The following MTURN variants were observed in gnomAD, a reference collection of about 807,000 sequenced individuals.
MTURN encodes the protein maturin.
MTURN carries 7 observed loss-of-function variants against 14.9 expected under a neutral mutation model. The ratio of observed to expected loss-of-function variants is 0.47; its 90% confidence interval spans 0.27 to 0.88. The LOEUF is 0.88. MTURN is among the 40% of genes least tolerant of loss of function. MTURN has a pLI of 0.14. For synonymous variants in MTURN, 69 were observed against 72.5 expected, an observed-to-expected ratio of 0.95 and a Z score of 0.25; for missense variants, 151 against 174.1, an observed-to-expected ratio of 0.87 and a Z score of 0.75.
chr7:30,141,131 C>G (rs1797044513), intron 1 of MTURN: 1 of 152,258 alleles, frequency 6.6e-6, no homozygotes, highest in African/African-American at 2.4e-5. Flanking sequence ...CTGTGCTCTT[C>G]CCACCATGTG....
chr7:30,150,714 G>A (rs979465300), intron 2 of MTURN, among the ~76,000 whole-genome samples: 17 of 152,194 alleles, frequency 1.1e-4, no homozygotes, highest in African/African-American at 3.6e-4. Flanking sequence ...AAGAATAGCC[G>A]GACCTAGACG....
intron 1 of MTURN, among the ~76,000 whole-genome samples, chr7:30,142,036 T>C (rs985898137): frequency 6.6e-6 from 1 of 152,090 alleles, no homozygotes; most frequent in Non-Finnish European, 1.5e-5. Flanking sequence ...GGATTTAGAA[T>C]AGTAGGGGTG....
At chr7:30,146,071 T>C in intron 1 of MTURN, 106 bp from the exon 2 acceptor site, 1 of 1,598,510 alleles carries the variant, frequency 6.3e-7, no homozygotes, top group South Asian at 1.1e-5. Context: ...GAGGCCTTCT[T>C]CAAATTGATG....
At chr7:30,150,568 T>A (rs1056002650) in intron 2 of MTURN, among the ~76,000 whole-genome samples, 1 of 152,274 alleles carries the variant, frequency 6.6e-6, no homozygotes, top group Non-Finnish European at 1.5e-5. Flanking sequence ...CTAAGTTTTC[T>A]ATGATCACAT....
chr7:30,157,570 G>A lies in MTURN; in HGVS notation c.*22G>A, dbSNP rs753226155. The stretch of plus-strand genomic sequence containing the variant: ...GTAAATCTGGGGGCTCCCCTGAGAA[G>A]GAGAGTGAGCCCCACAGTAACCTAG... On this transcript the variant is annotated 3_prime_UTR_variant, in exon 3 of 3. Transcript: ENST00000324453. The A allele has an allele frequency of 1.3e-6, 2 of 1,568,028 alleles. No individual in the cohort carries two copies. Among genetic ancestry groups the A allele is most frequent in the African/African-American group, 1.4e-5 (1 of 72,718 alleles).
At chr7:30,137,675 T>C (rs1159478889) in intron 1 of MTURN, 1 of 471,224 alleles carries the variant, frequency 2.1e-6, no homozygotes, top group Non-Finnish European at 4.4e-6. Flanking sequence ...GCCGGACCTC[T>C]TGAATCTGTC....
intron 2 of MTURN, among the ~76,000 whole-genome samples, chr7:30,156,314 C>T (rs1470513566): frequency 6.6e-6 from 1 of 151,838 alleles, no homozygotes; most frequent in Non-Finnish European, 1.5e-5. Flanking sequence ...TAAAAAAAAC[C>T]TTAAAATTGG....
At chr7:30,154,907 A>G (rs933035076) in intron 2 of MTURN, among the ~76,000 whole-genome samples, 18 of 152,196 alleles carry the variant, frequency 1.2e-4, no homozygotes, top group Non-Finnish European at 2.2e-4. Context: ...AAGGAACTGC[A>G]GAAGAGAGGT....
rs376938375 is a variant in MTURN at position 30,143,886 on chromosome 7, T to G, written c.163-2291T>G. Among the ~76,000 whole-genome samples, 5 of 152,266 alleles carry G rather than the reference T, an allele frequency of 3.3e-5. No homozygotes were observed. In the East Asian group the frequency reaches 5.8e-4, roughly 18 times the overall value. Reference sequence around the variant, plus strand: ...TGTTATTGTTTGAGTGATATACTTTTCTAAGTTTACTTTGTAATTTAAAGC... The same window carrying G: ...TGTTATTGTTTGAGTGATATACTTTGCTAAGTTTACTTTGTAATTTAAAGC... On this transcript the variant is annotated intron_variant, in intron 1 of 2. Transcript: ENST00000324453.
chr7:30,135,200 A>G lies in MTURN; in HGVS notation c.64A>G (p.Ile22Val), dbSNP rs780642569. 2.0e-6 allele frequency: 3 copies of G among 1,506,672 alleles called. 1 individual carries two copies. In the Middle Eastern group the frequency reaches 5.2e-4, roughly 262 times the overall value. 93.3% of individuals were successfully genotyped at this position (1,506,672 alleles called of 1,614,324 possible). The change falls in exon 1 of 3, where the codon ATC (isoleucine) becomes GTC (valine). Residue 22 changes from isoleucine (I) to valine (V), a missense_variant. Coordinates refer to ENST00000324453, the MANE Select transcript of MTURN (RefSeq NM_152793.3). ...GTGCTCCAACACGCCCTTCGAGCTC[A>G]TCGCCACCGAGGAGACCGAACGCAG... ...KWCSNTPFEL[I>V]ATEETERRMD...
chr7:30,143,962 G>A (rs1248785278), intron 1 of MTURN, among the ~76,000 whole-genome samples: 2 of 152,236 alleles, frequency 1.3e-5, no homozygotes, highest in Non-Finnish European at 2.9e-5. Context: ...TTTCATAGGT[G>A]CACCTGCTTC....
chr7:30,138,712 A>G (rs1232454225), intron 1 of MTURN, among the ~76,000 whole-genome samples: 1 of 152,002 alleles, frequency 6.6e-6, no homozygotes, highest in African/African-American at 2.4e-5. Context: ...AGATCATGTC[A>G]CCACTATCCC....
intron 2 of MTURN, among the ~76,000 whole-genome samples, chr7:30,148,826 T>A (rs1430336956): frequency 6.6e-6 from 1 of 152,162 alleles, no homozygotes; most frequent in Admixed American, 6.5e-5. Context: ...TTTGGACATG[T>A]CAGTGTTTTA....
Position 30,161,702 on chromosome 7 carries a change from C to T in MTURN, c.*4154C>T, listed in dbSNP as rs1562573661. On this transcript the variant is annotated 3_prime_UTR_variant, in exon 3 of 3. Transcript: ENST00000324453. ...TTAATGCTTAAGCGATCACAGACCC[C>T]TCTCCCCTGCAGTGGGTGTTAGCTC... 2 of 152,252 alleles carry T rather than the reference C, an allele frequency of 1.3e-5. No individual in the cohort carries two copies. Among genetic ancestry groups the T allele is most frequent in the East Asian group, 3.8e-4 (2 of 5,200 alleles). 9.4% of individuals were successfully genotyped at this position (152,252 alleles called of 1,614,324 possible).
chr7:30,149,282 C>T (rs994348635), intron 2 of MTURN, among the ~76,000 whole-genome samples: 6 of 152,290 alleles, frequency 3.9e-5, no homozygotes, highest in Admixed American at 6.5e-5. Context: ...TGCTGGGCTT[C>T]CAGGTTTCCT....
At chr7:30,149,747 C>T (rs1583508426) in intron 2 of MTURN, among the ~76,000 whole-genome samples, 1 of 152,326 alleles carries the variant, frequency 6.6e-6, no homozygotes, top group Admixed American at 6.5e-5. Flanking sequence ...TACAGGTTAT[C>T]AAGTGGGTAA....
chr7:30,149,116 T>G (rs1269274381), intron 2 of MTURN, among the ~76,000 whole-genome samples: 1 of 152,228 alleles, frequency 6.6e-6, no homozygotes, highest in Admixed American at 6.5e-5. Context: ...AGGCTCTGGT[T>G]GTATTTTGGC....
intron 1 of MTURN, 98 bp downstream of exon 1, chr7:30,135,396 G>T (rs1321395304): frequency 4.3e-6 from 5 of 1,168,936 alleles, no homozygotes; most frequent in Non-Finnish European, 5.6e-6. Context: ...GGCGGTGGGC[G>T]CAGAGTGGGG....
At chr7:30,137,419 T>C (rs6973967) in intron 1 of MTURN, 179,786 of 334,616 alleles carry the variant, frequency 0.54, 49,059 homozygotes, top group Admixed American at 0.64. Flanking sequence ...TATCCAACCA[T>C]CGTTCAGAAG....
Sources: gnomAD v4.1 joint callset for allele counts (sites outside exome capture counted in the v4.1 genomes callset) on GRCh38, gnomAD v4.1.1 for gene constraint, MANE v1.5 for transcripts, NCBI Gene and HGNC (gene_info 2026-07-23, HGNC 2026-07-21) for gene names.